PHTF2: variants seen among roughly 807,000 people sequenced by gnomAD.
PHTF2 encodes the protein putative homeodomain transcription factor 2.
In PHTF2, 60 loss-of-function variants were observed where a neutral mutation model predicts 101.2. The ratio of observed to expected loss-of-function variants is 0.59; its 90% CI spans 0.48 to 0.73. The LOEUF (loss-of-function observed/expected upper bound fraction) is 0.73, where lower values mean the gene tolerates loss of function less well. Ranked by LOEUF, PHTF2 falls within the 30% of genes least tolerant of loss-of-function variation. The pLI is 0.00. For missense variants in PHTF2, 747 were observed against 908.7 expected (o/e 0.82, Z 2.29); for synonymous variants, 311 against 307.3 (o/e 1.01, Z -0.13).
intron 12 of PHTF2, among the ~76,000 whole-genome samples, chr7:77,931,891 A>T (rs528632883): frequency 1.3e-5 from 2 of 152,318 alleles, no homozygotes; most frequent in South Asian, 4.1e-4. Context: ...TATAATTTTG[A>T]ATGAAAAAGG....
At chr7:77,877,364 A>G (rs1399982302) in intron 3 of PHTF2, among the ~76,000 whole-genome samples, 1 of 151,952 alleles carries the variant, frequency 6.6e-6, no homozygotes, top group Non-Finnish European at 1.5e-5. Flanking sequence ...CGGCCTCCCA[A>G]AGTCCTGGGA....
At chr7:77,816,529 G>A (rs1793869081) in intron 1 of PHTF2, among the ~76,000 whole-genome samples, 1 of 152,160 alleles carries the variant, frequency 6.6e-6, no homozygotes, top group African/African-American at 2.4e-5. Context: ...TGATGTTTCA[G>A]TACATGTAAT....
chr7:77,954,478 A>C (rs144795885), intron 19 of PHTF2, among the ~76,000 whole-genome samples: 6 of 152,094 alleles, frequency 3.9e-5, no homozygotes, highest in East Asian at 1.9e-4. Context: ...TAGGTGATAA[A>C]AAAGAAAAAA....
intron 5 of PHTF2, 194 bp from the exon 5 acceptor site, chr7:77,900,517 A>G (rs754431542): frequency 2.1e-5 from 11 of 530,412 alleles, no homozygotes; most frequent in Non-Finnish European, 3.0e-5. Context: ...ATCTCTAAAT[A>G]TATCTTTTTG....
chr7:77,886,908 G>A (rs1461663971), intron 3 of PHTF2, among the ~76,000 whole-genome samples: 2 of 151,928 alleles, frequency 1.3e-5, no homozygotes, highest in Admixed American at 6.6e-5. Context: ...AGCTGAGCAA[G>A]GTGGGGGTGC....
rs551240844 is a variant in PHTF2, at chr7:77,917,552, T to C, written c.777-2727T>C. 5.8e-4 allele frequency among the ~76,000 whole-genome samples: 88 copies of C among 152,344 alleles called. 1 individual carries two copies. In the South Asian group the frequency reaches 0.018, roughly 31 times the overall value. On this transcript the variant is annotated intron_variant, in intron 9 of 19. Transcript: ENST00000416283. Reference sequence around the variant, plus strand: ...CCTGCGGGGTTCATTCTATCTCTTCTTTTTATATTTATATCTTCTTTCTGT... The same window carrying C: ...CCTGCGGGGTTCATTCTATCTCTTCCTTTTATATTTATATCTTCTTTCTGT...
intron 1 of PHTF2, among the ~76,000 whole-genome samples, chr7:77,808,848 G>A (rs534298961): frequency 2.3e-4 from 35 of 152,006 alleles, no homozygotes; most frequent in Non-Finnish European, 3.2e-4. Context: ...CCACTCTTTC[G>A]GGGATGTGCT....
chr7:77,802,409 A>G (rs1406301873), intron 1 of PHTF2, among the ~76,000 whole-genome samples: 1 of 152,216 alleles, frequency 6.6e-6, no homozygotes, highest in East Asian at 1.9e-4. Flanking sequence ...TCAAAGAAGA[A>G]TTCCAAAATG....
intron 16 of PHTF2, among the ~76,000 whole-genome samples, chr7:77,943,101 T>A (rs544374572): frequency 9.2e-5 from 11 of 119,740 alleles, no homozygotes; most frequent in African/African-American, 2.3e-4. Context: ...TTTATTCATG[T>A]TTACTATTCT....
At chr7:77,953,315 T>C (rs562063039) in intron 18 of PHTF2, among the ~76,000 whole-genome samples, 5 of 152,226 alleles carry the variant, frequency 3.3e-5, no homozygotes, top group South Asian at 2.1e-4. Context: ...TGGCATATGA[T>C]AGAACTTTAA....
At chr7:77,828,353 A>G (rs1413427212) in intron 1 of PHTF2, among the ~76,000 whole-genome samples, 1 of 152,230 alleles carries the variant, frequency 6.6e-6, no homozygotes, top group African/African-American at 2.4e-5. Flanking sequence ...ATGCTCAAGG[A>G]ATGGTAGAGT....
intron 3 of PHTF2, among the ~76,000 whole-genome samples, chr7:77,890,050 A>G (rs978045373): frequency 7.1e-6 from 1 of 141,514 alleles, no homozygotes; most frequent in South Asian, 2.4e-4. Flanking sequence ...GAGACATTCT[A>G]TTAACAGTAA....
At chr7:77,891,120 G>A (rs963646385) in intron 3 of PHTF2, among the ~76,000 whole-genome samples, 3 of 148,596 alleles carry the variant, frequency 2.0e-5, no homozygotes, top group Admixed American at 6.8e-5. Context: ...TGTTGTTCAG[G>A]CTTGTCTCAA....
chr7:77,924,134 A>T (rs2150923576), intron 11 of PHTF2: 1 of 944,964 alleles, frequency 1.1e-6, no homozygotes, highest in African/African-American at 1.8e-5. Context: ...GGGCGTTTCT[A>T]AAAAAAAGCA....
At chr7:77,828,723 C>G (rs537246498) in intron 1 of PHTF2, among the ~76,000 whole-genome samples, 1 of 152,190 alleles carries the variant, frequency 6.6e-6, no homozygotes, top group South Asian at 2.1e-4. Flanking sequence ...CAAAAATTAG[C>G]TGGGCGTGGT....
chr7:77,820,929 G>A (rs1045172033), intron 1 of PHTF2, among the ~76,000 whole-genome samples: 1 of 152,050 alleles, frequency 6.6e-6, no homozygotes, highest in South Asian at 2.1e-4. Context: ...CTCTACTGGT[G>A]AGTTTTATAG....
Position 77,937,839 on chromosome 7 carries a change from G to T in PHTF2, c.1467+1G>T. The T allele has an allele frequency of 6.7e-7, 1 of 1,487,606 alleles. No homozygotes were observed. Among genetic ancestry groups the T allele is most frequent in the Non-Finnish European group, 9.0e-7 (1 of 1,108,092 alleles). The allele number at this position is 1,487,606 out of a possible 1,614,324, so 92.2% of individuals were successfully genotyped here. ...AATCAGTGGAATGATAATGAACAGA[G>T]TGAGTTTTTAAATTTTATTCTTGTA... On this transcript the variant is annotated splice_donor_variant, in intron 13 of 19. Coordinates refer to ENST00000416283, the Ensembl canonical transcript of PHTF2. LOFTEE classifies it high-confidence loss of function.
intron 3 of PHTF2, 95 bp from the exon 3 acceptor site, chr7:77,893,513 T>C: frequency 3.4e-6 from 2 of 587,696 alleles, no homozygotes; most frequent in Admixed American, 3.1e-5. Context: ...TAATCTGTGC[T>C]GAATGAATAC....
intron 1 of PHTF2, among the ~76,000 whole-genome samples, chr7:77,835,675 A>G (rs1403587283): frequency 6.6e-6 from 1 of 152,206 alleles, no homozygotes; most frequent in Non-Finnish European, 1.5e-5. Flanking sequence ...TAACTTTTGA[A>G]TCCCCCAAAA....
Sources: allele counts gnomAD v4.1 joint callset (sites outside exome capture counted in the v4.1 genomes callset), GRCh38; gene constraint gnomAD v4.1.1; transcripts MANE v1.5; gene names NCBI Gene and HGNC (gene_info 2026-07-23, HGNC 2026-07-21).